CSNK2A2IP: variants seen among roughly 807,000 people sequenced by gnomAD.
CSNK2A2IP encodes casein kinase II subunit alpha'-interacting protein.
chr3:88,452,359 T>G, the CSNK2A2IP span, among the ~76,000 whole-genome samples: 1 of 152,146 alleles, frequency 6.6e-6, no homozygotes, highest in East Asian at 1.9e-4. Context: ...CAAAGCATAA[T>G]ATTCTGTAGT....
the CSNK2A2IP span, among the ~76,000 whole-genome samples, chr3:88,438,925 A>G: frequency 1.6e-5 from 2 of 127,184 alleles, no homozygotes; most frequent in Admixed American, 7.5e-5. Flanking sequence ...CTTCAAACTC[A>G]TGTATCACCG....
At chr3:88,466,072 A>G in the CSNK2A2IP span, 8 of 1,231,668 alleles carry the variant, frequency 6.5e-6, no homozygotes, top group Non-Finnish European at 6.1e-6. Context: ...GCGCAATCAA[A>G]GATCTTTGAG....
At chr3:88,465,328 C>T in the CSNK2A2IP span, 3 of 1,221,592 alleles carry the variant, frequency 2.5e-6, no homozygotes, top group Non-Finnish European at 1.0e-6. Context: ...AAGCCAACTG[C>T]TTTTAAAAAG....
the CSNK2A2IP span, among the ~76,000 whole-genome samples, chr3:88,451,731 C>CT: frequency 0.31 from 44,097 of 143,290 alleles, 7,073 homozygotes; most frequent in East Asian, 0.47. Flanking sequence ...ATCTCTCTCT[C>CT]TTTTTTTTTT....
the CSNK2A2IP span, among the ~76,000 whole-genome samples, chr3:88,364,629 G>C: frequency 6.6e-6 from 1 of 152,030 alleles, no homozygotes; most frequent in East Asian, 1.9e-4. Flanking sequence ...ATTGTTGATT[G>C]ATGACTTGTA....
At chr3:88,403,134 A>G in the CSNK2A2IP span, among the ~76,000 whole-genome samples, 1 of 152,052 alleles carries the variant, frequency 6.6e-6, no homozygotes, top group Non-Finnish European at 1.5e-5. Context: ...ATTTACCTAT[A>G]TTCTTACCTA....
the CSNK2A2IP span, among the ~76,000 whole-genome samples, chr3:88,387,935 C>T: frequency 6.6e-6 from 1 of 152,086 alleles, no homozygotes; most frequent in African/African-American, 2.4e-5. Context: ...CTGTGTTGCC[C>T]AGGTTGATTT....
At chr3:88,349,199 A>G in the CSNK2A2IP span, among the ~76,000 whole-genome samples, 1 of 151,906 alleles carries the variant, frequency 6.6e-6, no homozygotes, top group Non-Finnish European at 1.5e-5. Context: ...TGAGTTCTTT[A>G]GTGGTGAGTG....
the CSNK2A2IP span, among the ~76,000 whole-genome samples, chr3:88,342,631 T>A: frequency 6.6e-6 from 1 of 151,842 alleles, no homozygotes; most frequent in African/African-American, 2.4e-5. Context: ...ACTCAGAACT[T>A]TTTTTGTCAA....
chr3:88,382,615 A>G, the CSNK2A2IP span: 1 of 152,134 alleles, frequency 6.6e-6, no homozygotes, highest in Non-Finnish European at 1.5e-5. Flanking sequence ...TTCCATCAAG[A>G]AAATATTTCT....
At chr3:88,443,169 G>C in the CSNK2A2IP span, among the ~76,000 whole-genome samples, 1 of 152,092 alleles carries the variant, frequency 6.6e-6, no homozygotes, top group Non-Finnish European at 1.5e-5. Context: ...TCAGTACTCA[G>C]TCTAGTTATA....
the CSNK2A2IP span, among the ~76,000 whole-genome samples, chr3:88,386,732 C>T: frequency 6.6e-6 from 1 of 152,084 alleles, no homozygotes; most frequent in South Asian, 2.1e-4. Flanking sequence ...GGTTAGTGAA[C>T]GAAATGTTAA....
At chr3:88,396,337 C>G in the CSNK2A2IP span, among the ~76,000 whole-genome samples, 2 of 151,886 alleles carry the variant, frequency 1.3e-5, no homozygotes, top group Admixed American at 6.6e-5. Flanking sequence ...GATCTCCTGA[C>G]CTCGTGATCC....
the CSNK2A2IP span, among the ~76,000 whole-genome samples, chr3:88,454,129 G>T: frequency 6.6e-6 from 1 of 151,888 alleles, no homozygotes; most frequent in East Asian, 1.9e-4. Context: ...AGTTATTCAA[G>T]AAGTTATTTA....
chr3:88,461,292 G>C, the CSNK2A2IP span, among the ~76,000 whole-genome samples: 1 of 151,858 alleles, frequency 6.6e-6, no homozygotes, highest in Non-Finnish European at 1.5e-5. Flanking sequence ...AGTGGCTCAC[G>C]CCTGTAATCC....
At chr3:88,465,616 T>A in the CSNK2A2IP span, 901,025 of 1,231,310 alleles carry the variant, frequency 0.73, 337,668 homozygotes, top group East Asian at 0.78. Flanking sequence ...CTGTGATAGG[T>A]TTCTGAATTC....
the CSNK2A2IP span, among the ~76,000 whole-genome samples, chr3:88,408,310 A>G: frequency 6.6e-6 from 1 of 151,296 alleles, no homozygotes; most frequent in Admixed American, 6.6e-5. Flanking sequence ...GACAACCCTC[A>G]TTTAGTTTCT....
At chr3:88,462,156 A>G in the CSNK2A2IP span, among the ~76,000 whole-genome samples, 2 of 148,922 alleles carry the variant, frequency 1.3e-5, no homozygotes, top group African/African-American at 2.5e-5. Context: ...ATTTTTTTAC[A>G]TTCTGTGATT....
At chr3:88,446,044 TTC>T in the CSNK2A2IP span, among the ~76,000 whole-genome samples, 1 of 55,194 alleles carries the variant, frequency 1.8e-5, no homozygotes, top group Admixed American at 1.7e-4. Flanking sequence ...CTTTCTTTCT[TTC>T]TTTCTTTCTT....
Sources: gnomAD v4.1 joint callset for allele counts (sites outside exome capture counted in the v4.1 genomes callset) on GRCh38, gnomAD v4.1.1 for gene constraint, MANE v1.5 for transcripts, NCBI Gene and HGNC (gene_info 2026-07-23, HGNC 2026-07-21) for gene names.